KLHL13: variants seen among roughly 807,000 people sequenced by gnomAD.
The protein encoded by KLHL13 is kelch like family member 13.
In KLHL13, 10 loss-of-function variants were observed where a neutral mutation model predicts 37.1. That is an observed-to-expected ratio of 0.27 (90% CI 0.17 to 0.46). KLHL13 has a LOEUF of 0.46. KLHL13 is among the 20% of genes least tolerant of loss of function. The probability of loss-of-function intolerance (pLI) is 1.00; values close to 1 mark genes in which losing one functional copy is unlikely to be tolerated. For synonymous variants in KLHL13, 163 were observed against 181.2 expected (o/e 0.90, Z 0.81); for missense variants, 360 against 509.3 (o/e 0.71, Z 2.82).
At chrX:118,032,730 A>G in intron 1 of KLHL13, among the ~76,000 whole-genome samples, 1 of 112,520 alleles carries the variant, frequency 8.9e-6, no homozygotes, top group Non-Finnish European at 1.9e-5. Flanking sequence ...AACGGAACAA[A>G]GCTGGACGGA....
chrX:117,904,018 CCT>C (rs1930332400), intron 5 of KLHL13, among the ~76,000 whole-genome samples: 2 of 110,494 alleles, frequency 1.8e-5, no homozygotes, highest in South Asian at 3.9e-4. Flanking sequence ...AAAGATAATT[CCT>C]CTGTCAGTGA....
chrX:118,089,252 A>G (rs1489168460), intron 1 of KLHL13, among the ~76,000 whole-genome samples: 3 of 110,356 alleles, frequency 2.7e-5, no homozygotes, highest in Non-Finnish European at 5.7e-5. Context: ...CAGGACTTTC[A>G]CCACTATCCA....
intron 1 of KLHL13, among the ~76,000 whole-genome samples, chrX:118,056,973 A>G (rs1313039166): frequency 8.9e-6 from 1 of 112,106 alleles, no homozygotes; most frequent in African/African-American, 3.2e-5. Context: ...CTCCCAGAGT[A>G]TTTATTCCCC....
intron 2 of KLHL13, among the ~76,000 whole-genome samples, chrX:117,936,149 A>T (rs1475607299): frequency 8.9e-6 from 1 of 111,902 alleles, no homozygotes; most frequent in East Asian, 2.8e-4. Context: ...TCCATGAGAA[A>T]TAACCACAGA....
intron 1 of KLHL13, among the ~76,000 whole-genome samples, chrX:118,006,372 CAA>C (rs113553426): frequency 1.0e-5 from 1 of 99,496 alleles, no homozygotes; most frequent in Admixed American, 1.1e-4. Flanking sequence ...TTAATTGTGC[CAA>C]AAAAAAAAAG....
intron 1 of KLHL13, among the ~76,000 whole-genome samples, chrX:118,012,439 T>C (rs1400761576): frequency 9.1e-6 from 1 of 110,320 alleles, no homozygotes; most frequent in Non-Finnish European, 1.9e-5. Flanking sequence ...TGTGGCACCT[T>C]CCTATATCTT....
At chrX:118,080,397 A>G (rs1173352252) in intron 1 of KLHL13, among the ~76,000 whole-genome samples, 1 of 109,403 alleles carries the variant, frequency 9.1e-6, no homozygotes, top group African/African-American at 3.5e-5. Flanking sequence ...TCCAGAATCT[A>G]TAAGTAACTT....
chrX:118,032,778 C>T (rs917195175), intron 1 of KLHL13, among the ~76,000 whole-genome samples: 10 of 111,887 alleles, frequency 8.9e-5, no homozygotes, highest in Middle Eastern at 4.6e-3. Context: ...AGGCTTCAGA[C>T]GGTCAAATTA....
chrX:117,920,966 G>GA (rs990782058), intron 2 of KLHL13, among the ~76,000 whole-genome samples: 10 of 109,983 alleles, frequency 9.1e-5, no homozygotes, highest in South Asian at 3.9e-4. Context: ...ATCTTTGTTT[G>GA]AAAAAAAACA....
intron 2 of KLHL13, among the ~76,000 whole-genome samples, chrX:117,926,332 G>A (rs1033385828): frequency 1.2e-4 from 13 of 111,144 alleles, no homozygotes; most frequent in Non-Finnish European, 1.7e-4. Context: ...AGAGTCTGGG[G>A]ACATCAAGGC....
chrX:118,010,765 AG>A (rs1049518794), intron 1 of KLHL13, among the ~76,000 whole-genome samples: 3 of 110,663 alleles, frequency 2.7e-5, no homozygotes, highest in African/African-American at 9.9e-5. Context: ...AGTCAATGCT[AG>A]GGGAGCCATT....
rs1352761053 is a variant in KLHL13 at position 118,069,130 on chromosome X, C to CACACACACACAT, written c.-56+47377_-56+47378insATGTGTGTGTGT. On this transcript the variant is annotated intron_variant, in intron 1 of 6. Transcript: ENST00000371882. ...AGAGTCACACACACACACACACACACACACACACACACACACACCCTCACC... is the reference window on the plus strand; with the variant it reads ...AGAGTCACACACACACACACACACACACACACACACATACACACACACACACACACCCTCACC... 8.2e-3 allele frequency among the ~76,000 whole-genome samples: 889 copies of CACACACACACAT among 108,981 alleles called. 16 individuals carry two copies. Among genetic ancestry groups the CACACACACACAT allele is most frequent in the African/African-American group, 0.028 (817 of 29,554 alleles). The allele number at this position is 108,981 out of a possible 115,157, so 94.6% of individuals were successfully genotyped here.
At position 118,058,398 on chromosome X, in the gene KLHL13, C is replaced by T. The variant is rs182301807; in HGVS notation, c.-56+58110G>A. Among the ~76,000 whole-genome samples the T allele has an allele frequency of 1.5e-3, 165 of 111,352 alleles. 2 individuals carry two copies. The highest frequency in any genetic ancestry group is 5.2e-3 in the African/African-American group (160 of 30,662). ...GCTTCCACCTTCCTATTATGCTCTA[C>T]TTTATTTCATTCTACAGTTCCTCTC... On this transcript the variant is annotated intron_variant, in intron 1 of 6. Transcript: ENST00000371882.
At chrX:118,075,409 C>T (rs1364150946) in intron 1 of KLHL13, among the ~76,000 whole-genome samples, 2 of 111,902 alleles carry the variant, frequency 1.8e-5, no homozygotes, top group African/African-American at 6.5e-5. Context: ...GTTGAACAAA[C>T]TGAAGGAAGG....
chrX:117,926,118 G>T (rs543303178), intron 2 of KLHL13, among the ~76,000 whole-genome samples: 1 of 111,823 alleles, frequency 8.9e-6, no homozygotes, highest in Admixed American at 9.4e-5. Flanking sequence ...AGAGAGATTC[G>T]ATTTACATTA....
At chrX:117,987,984 G>A (rs931599761) in intron 1 of KLHL13, among the ~76,000 whole-genome samples, 1 of 111,845 alleles carries the variant, frequency 8.9e-6, no homozygotes, top group African/African-American at 3.2e-5. Context: ...TTAATCAACA[G>A]CACCTTCAGA....
At chrX:117,902,070 A>C in intron 5 of KLHL13, 124 bp from the exon 7 acceptor site, 1 of 415,099 alleles carries the variant, frequency 2.4e-6, no homozygotes, top group Non-Finnish European at 4.2e-6. Flanking sequence ...TAGCTATGAT[A>C]GATATGTGTA....
exon 1 of KLHL13, chrX:117,972,743 G>T: frequency 1.7e-6 from 2 of 1,204,366 alleles, no homozygotes; most frequent in Non-Finnish European, 2.3e-6. Context: ...GTATGCTGGA[G>T]AAAGTGGAGT....
chrX:118,024,582 T>C (rs1399823107), intron 1 of KLHL13, among the ~76,000 whole-genome samples: 1 of 111,428 alleles, frequency 9.0e-6, no homozygotes, highest in African/African-American at 3.3e-5. Flanking sequence ...CCAAAACACT[T>C]GAACATATGC....
Sources: gnomAD v4.1 joint callset for allele counts (sites outside exome capture counted in the v4.1 genomes callset) on GRCh38, gnomAD v4.1.1 for gene constraint, MANE v1.5 for transcripts, NCBI Gene and HGNC (gene_info 2026-07-23, HGNC 2026-07-21) for gene names.